MYO5B: variants seen among roughly 807,000 people sequenced by gnomAD.
MYO5B encodes the protein unconventional myosin-Vb.
Under a neutral mutation model 229.3 loss-of-function variants are expected in MYO5B, and 143 were observed. The ratio of observed to expected loss-of-function variants is 0.62; its 90% CI spans 0.54 to 0.72. The LOEUF (loss-of-function observed/expected upper bound fraction) is 0.72. Among genes scored for constraint, MYO5B ranks in the 30% least tolerant of loss-of-function variants. The probability of loss-of-function intolerance (pLI) is 0.00; values close to 1 mark genes in which losing one functional copy is unlikely to be tolerated. For missense variants in MYO5B, 2,321 were observed against 2,331.0 expected, an observed-to-expected ratio of 1.00 and a Z score of 0.09; for synonymous variants, 918 against 885.2, an observed-to-expected ratio of 1.04 and a Z score of -0.66.
intron 4 of MYO5B, among the ~76,000 whole-genome samples, chr18:50,017,939 A>G (rs997793685): frequency 9.9e-5 from 15 of 152,238 alleles, no homozygotes; most frequent in Non-Finnish European, 1.0e-4. Context: ...TGTACTTTAA[A>G]CACAGAAACG....
chr18:50,158,943 G>A (rs939998122), intron 1 of MYO5B, among the ~76,000 whole-genome samples: 3 of 152,150 alleles, frequency 2.0e-5, no homozygotes, highest in Non-Finnish European at 4.4e-5. Flanking sequence ...CCTACACCAC[G>A]ATGTTTGCCG....
At chr18:49,947,764 T>C (rs2025390429) in intron 14 of MYO5B, among the ~76,000 whole-genome samples, 1 of 152,196 alleles carries the variant, frequency 6.6e-6, no homozygotes, top group South Asian at 2.1e-4. Context: ...TTAAAACCTG[T>C]ACATAGGGAC....
intron 4 of MYO5B, among the ~76,000 whole-genome samples, chr18:50,034,697 T>A (rs993650550): frequency 6.6e-6 from 1 of 152,066 alleles, no homozygotes; most frequent in African/African-American, 2.4e-5. Flanking sequence ...TGAGCTGATA[T>A]CGCAGCACTT....
intron 1 of MYO5B, among the ~76,000 whole-genome samples, chr18:50,094,094 CAA>C (rs2031503735): frequency 6.6e-6 from 1 of 152,168 alleles, no homozygotes; most frequent in Non-Finnish European, 1.5e-5. Context: ...GTGTGAGATC[CAA>C]GAACCTTCTC....
At chr18:50,085,234 C>A (rs1394251658) in intron 1 of MYO5B, among the ~76,000 whole-genome samples, 1 of 152,006 alleles carries the variant, frequency 6.6e-6, no homozygotes, top group Non-Finnish European at 1.5e-5. Flanking sequence ...AACAAACAAC[C>A]CCATCAAAAA....
chr18:50,038,618 C>G (rs1048878104), intron 3 of MYO5B, among the ~76,000 whole-genome samples: 5 of 152,156 alleles, frequency 3.3e-5, no homozygotes, highest in African/African-American at 1.2e-4. Context: ...ACGTGTTTTC[C>G]TTAAACATCC....
chr18:49,839,334 T>C, intron 35 of MYO5B, 40 bp from the exon 36 acceptor site: 8 of 1,608,146 alleles, frequency 5.0e-6, no homozygotes, highest in Non-Finnish European at 6.8e-6. Flanking sequence ...TTCTCTGGTC[T>C]GCTGGGCCCA....
chr18:49,906,603 T>C lies in MYO5B; in HGVS notation c.2230A>G (p.Thr744Ala). ...KDPDKFQFGR[T>A]KIFFRAGQVA... ...TGGCCTGCTCGAAAGAAGATCTTGGTGCGGCCAAACTGGAACTTGTCGGGG... is the reference window on the plus strand; with the variant it reads ...TGGCCTGCTCGAAAGAAGATCTTGGCGCGGCCAAACTGGAACTTGTCGGGG... Residue 744 changes from threonine to alanine, a missense_variant, in exon 19 of 40, where the codon ACC (threonine) becomes GCC (alanine). By Grantham distance (58) the Thr-to-Ala change is moderately conservative. Coordinates refer to ENST00000285039, the MANE Select transcript of MYO5B (RefSeq NM_001080467.3). The C allele has an allele frequency of 6.2e-7, 1 of 1,614,022 alleles. No homozygotes were observed. The highest frequency in any genetic ancestry group is 8.5e-7 in the Non-Finnish European group (1 of 1,180,002).
At chr18:49,994,702 G>A (rs2025968576) in intron 5 of MYO5B, among the ~76,000 whole-genome samples, 1 of 152,140 alleles carries the variant, frequency 6.6e-6, no homozygotes. Flanking sequence ...CACGCTCCTG[G>A]CACCCACCAA....
At chr18:50,122,634 GGAGAGAGAGAGAGAGAGAGAGAGAGAGA>G (rs778675940) in intron 1 of MYO5B, among the ~76,000 whole-genome samples, 2,779 of 9,002 alleles carry the variant, frequency 0.31, 183 homozygotes, top group South Asian at 0.47. Context: ...GAAGGGGGGG[GGAGAGAGAGAGAGAGAGAGAGAGAGAGA>G]GAGAGAGAGA....
chr18:50,142,361 G>A (rs1247502520), intron 1 of MYO5B, among the ~76,000 whole-genome samples: 1 of 152,176 alleles, frequency 6.6e-6, no homozygotes, highest in Admixed American at 6.5e-5. Flanking sequence ...GAATCCCATG[G>A]TCATGTCCAA....
intron 1 of MYO5B, among the ~76,000 whole-genome samples, chr18:50,107,901 C>A (rs1370634613): frequency 1.3e-5 from 2 of 152,084 alleles, no homozygotes; most frequent in African/African-American, 4.8e-5. Context: ...CTAGAGCAAA[C>A]CATTATCCTT....
chr18:50,104,370 TA>T (rs1421962489), intron 1 of MYO5B, among the ~76,000 whole-genome samples: 6 of 151,392 alleles, frequency 4.0e-5, no homozygotes, highest in South Asian at 4.2e-4. Flanking sequence ...TACCAATTTT[TA>T]AAAAAATGTT....
intron 5 of MYO5B, among the ~76,000 whole-genome samples, chr18:49,993,914 T>C (rs577383499): frequency 2.6e-5 from 4 of 152,316 alleles, no homozygotes; most frequent in African/African-American, 9.6e-5. Flanking sequence ...CTTATGTGCT[T>C]GGCAGGAACC....
intron 18 of MYO5B, among the ~76,000 whole-genome samples, chr18:49,911,069 A>G (rs1025050595): frequency 3.9e-5 from 6 of 152,182 alleles, no homozygotes; most frequent in Admixed American, 1.3e-4. Context: ...CTTACTTAAA[A>G]CAAGTATCTG....
intron 12 of MYO5B, among the ~76,000 whole-genome samples, chr18:49,954,832 A>G (rs2144247607): frequency 6.6e-6 from 1 of 152,278 alleles, no homozygotes; most frequent in African/African-American, 2.4e-5. Context: ...TGCCAAGCTC[A>G]CCCACTCACC....
intron 4 of MYO5B, among the ~76,000 whole-genome samples, chr18:50,036,218 T>A (rs747294301): frequency 7.9e-5 from 12 of 152,234 alleles, no homozygotes; most frequent in Non-Finnish European, 1.8e-4. Context: ...CTTTCCCTAC[T>A]TTATGCTGAA....
chr18:50,123,737 A>T, intron 1 of MYO5B, among the ~76,000 whole-genome samples: 1 of 152,130 alleles, frequency 6.6e-6, no homozygotes, highest in East Asian at 1.9e-4. Context: ...TAAGATGATA[A>T]AAGGTTTTCC....
intron 1 of MYO5B, among the ~76,000 whole-genome samples, chr18:50,142,563 G>T (rs1348631384): frequency 2.6e-5 from 4 of 152,166 alleles, no homozygotes; most frequent in Non-Finnish European, 5.9e-5. Flanking sequence ...TAAAACCAAG[G>T]TATATAGGGG....
Sources: gnomAD v4.1 joint callset for allele counts (sites outside exome capture counted in the v4.1 genomes callset) on GRCh38, gnomAD v4.1.1 for gene constraint, MANE v1.5 for transcripts, NCBI Gene and HGNC (gene_info 2026-07-23, HGNC 2026-07-21) for gene names.